SPATA22: variants seen among roughly 807,000 people sequenced by gnomAD.
SPATA22 encodes the protein spermatogenesis associated 22.
SPATA22 carries 29 observed loss-of-function variants against 47.8 expected under a neutral mutation model. The observed-to-expected ratio is 0.61, with a 90% CI of 0.45 to 0.83. SPATA22 has a LOEUF of 0.83. Ranked by LOEUF, SPATA22 falls within the 40% of genes least tolerant of loss-of-function variation. SPATA22 has a pLI of 0.00. For synonymous variants in SPATA22, 133 were observed against 140.9 expected, an observed-to-expected ratio of 0.94 and a Z score of 0.40; for missense variants, 410 against 421.7, an observed-to-expected ratio of 0.97 and a Z score of 0.24.
intron 1 of SPATA22, among the ~76,000 whole-genome samples, chr17:3,496,686 C>T (rs2073912434): frequency 2.0e-5 from 3 of 152,238 alleles, no homozygotes; most frequent in Non-Finnish European, 4.4e-5. Flanking sequence ...AGGGGACCCC[C>T]TCCCAGTGCC....
rs747218271 is a variant in SPATA22 at position 3,498,989 on chromosome 17, G to C, written c.-74+14423C>G. On this transcript the variant is annotated intron_variant, in intron 1 of 8. Transcript: ENST00000541913. ...GCGGAGACTGTACCGTGTACCCCGT[G>C]TTTGTGAATGAGGCCGCATATTACG... The C allele has an allele frequency of 1.4e-5, 22 of 1,614,098 alleles. No homozygotes were observed. Among genetic ancestry groups the C allele is most frequent in the Admixed American group, 1.2e-4 (7 of 60,008 alleles).
rs34414986 is a variant in SPATA22, at chr17:3,449,161, C to CA, written c.330-13dup. On this transcript the variant is annotated splice_polypyrimidine_tract_variant and intron_variant, in intron 5 of 8. Transcript: ENST00000572969. The stretch of plus-strand genomic sequence containing the variant: ...TACCATCTCTGTAGCTGTAATAGTG[C>CA]AAAAAAAAAGCATTTGTTTCTATAT... The CA allele has an allele frequency of 0.019, 27,498 of 1,416,108 alleles. 199 individuals are homozygous for CA. Among genetic ancestry groups the CA allele is most frequent in the African/African-American group, 0.06 (4,057 of 68,026 alleles). 87.7% of individuals were successfully genotyped at this position (1,416,108 alleles called of 1,614,324 possible).
At chr17:3,468,771 TA>T (rs775756003) in intron 2 of SPATA22, 43 of 252,790 alleles carry the variant, frequency 1.7e-4, no homozygotes, top group Non-Finnish European at 2.6e-4. Context: ...GTGTAAAGAT[TA>T]AATAAATTAA....
chr17:3,482,768 C>CT lies in SPATA22; in HGVS notation c.-73-13371dup, dbSNP rs66953301. On this transcript the variant is annotated intron_variant, in intron 1 of 8. Coordinates refer to the SPATA22 transcript ENST00000541913. ...GGTAGGAGATCATAATGTAGCGATT[C>CT]TTTTTTTTTTTAATTTTTTTTAAAT... Among the ~76,000 whole-genome samples, 348 of 147,014 alleles carry CT rather than the reference C, an allele frequency of 2.4e-3. 1 individual carries two copies. The highest frequency in any genetic ancestry group is 0.012 in the South Asian group (57 of 4,644).
rs1044412191 is a variant in SPATA22, at chr17:3,462,819, A to G, written c.173-52T>C. 3.7e-6 allele frequency: 5 copies of G among 1,350,754 alleles called. No homozygotes were observed. In the African/African-American group the frequency reaches 7.2e-5, roughly 19 times the overall value. 83.7% of individuals were successfully genotyped at this position (1,350,754 alleles called of 1,614,324 possible). ...AAAGTAAGATAGGTAGTATTTTTCA[A>G]AATGATAAATTCATACTTATTTAAT... On this transcript the variant is annotated intron_variant, in intron 3 of 8. Transcript: ENST00000572969.
At chr17:3,480,349 C>G (rs9899946) in intron 1 of SPATA22, among the ~76,000 whole-genome samples, 99,886 of 152,176 alleles carry the variant, frequency 0.66, 33,906 homozygotes, top group Non-Finnish European at 0.75. Context: ...AAAATTCAGA[C>G]ACTGGAATTT....
At chr17:3,454,921 G>C (rs1290205019) in intron 5 of SPATA22, among the ~76,000 whole-genome samples, 15 of 151,846 alleles carry the variant, frequency 9.9e-5, no homozygotes, top group Non-Finnish European at 1.5e-5. Flanking sequence ...CACCAACAGT[G>C]TAAAAGTGTT....
At chr17:3,464,172 G>T (rs1178872107) in intron 3 of SPATA22, among the ~76,000 whole-genome samples, 1 of 151,824 alleles carries the variant, frequency 6.6e-6, no homozygotes, top group Non-Finnish European at 1.5e-5. Flanking sequence ...TGGTGGAGAC[G>T]GGTTTCGCTG....
chr17:3,481,867 G>C (rs973066952), intron 1 of SPATA22: 1 of 1,372,468 alleles, frequency 7.3e-7, no homozygotes, highest in African/African-American at 1.4e-5. Context: ...ATGGATGTGA[G>C]ACAATCAGAA....
intron 1 of SPATA22, chr17:3,511,431 T>C (rs1015014430): frequency 1.3e-5 from 2 of 152,206 alleles, no homozygotes; most frequent in African/African-American, 4.8e-5. Flanking sequence ...GATATGACCT[T>C]CCTGCATGAC....
At chr17:3,464,513 GCCGTC>G (rs2073226706) in intron 3 of SPATA22, among the ~76,000 whole-genome samples, 1 of 131,690 alleles carries the variant, frequency 7.6e-6, no homozygotes, top group Non-Finnish European at 1.7e-5. Context: ...CTGCCCGGCC[GCCGTC>G]CCATCTAGGA....
At chr17:3,447,779 G>A (rs1489882207) in intron 6 of SPATA22, among the ~76,000 whole-genome samples, 1 of 152,152 alleles carries the variant, frequency 6.6e-6, no homozygotes, top group Non-Finnish European at 1.5e-5. Context: ...GCCACTGCTG[G>A]TGATGTAACA....
chr17:3,462,878 T>C (rs1334517895), intron 3 of SPATA22, 111 bp from the exon 4 acceptor site: 2 of 828,152 alleles, frequency 2.4e-6, no homozygotes, highest in Non-Finnish European at 4.0e-6. Flanking sequence ...AAGAAAAAAC[T>C]TGAATATATG....
intron 5 of SPATA22, among the ~76,000 whole-genome samples, chr17:3,457,384 T>C (rs1038687770): frequency 1.3e-5 from 2 of 152,126 alleles, no homozygotes; most frequent in African/African-American, 4.8e-5. Flanking sequence ...CAAGAATTGA[T>C]ATTGTTAAAT....
chr17:3,496,664 C>A (rs2150761497), intron 1 of SPATA22, among the ~76,000 whole-genome samples: 1 of 152,340 alleles, frequency 6.6e-6, no homozygotes, highest in African/African-American at 2.4e-5. Flanking sequence ...GGGATGCTAA[C>A]TGGAATCACG....
intron 1 of SPATA22, among the ~76,000 whole-genome samples, chr17:3,480,942 A>C (rs1438865792): frequency 6.6e-6 from 1 of 151,694 alleles, no homozygotes; most frequent in Non-Finnish European, 1.5e-5. Context: ...CAACAGAGCA[A>C]GACTGTATCT....
intron 1 of SPATA22, among the ~76,000 whole-genome samples, chr17:3,487,063 TGTGTGTGTGC>T (rs1367382689): frequency 7.1e-6 from 1 of 140,212 alleles, no homozygotes; most frequent in Non-Finnish European, 1.5e-5. Context: ...TGTGTTTATG[TGTGTGTGTGC>T]GTGTGTGTGT....
At chr17:3,456,322 G>C (rs1430331622) in intron 5 of SPATA22, among the ~76,000 whole-genome samples, 2 of 151,090 alleles carry the variant, frequency 1.3e-5, no homozygotes, top group Non-Finnish European at 2.9e-5. Flanking sequence ...AAGAAAAAAA[G>C]AGAGAAGACT....
chr17:3,454,937 T>G (rs1019435388), intron 5 of SPATA22, among the ~76,000 whole-genome samples: 24 of 151,648 alleles, frequency 1.6e-4, no homozygotes, highest in Non-Finnish European at 3.4e-4. Context: ...GTGTTCCTAT[T>G]TCTCCACATC....
Sources: gnomAD v4.1 joint callset for allele counts (sites outside exome capture counted in the v4.1 genomes callset) on GRCh38, gnomAD v4.1.1 for gene constraint, MANE v1.5 for transcripts, NCBI Gene and HGNC (gene_info 2026-07-23, HGNC 2026-07-21) for gene names.